The following XKR9 variants were observed in gnomAD, a reference collection of about 807,000 sequenced individuals.
XKR9 encodes the protein XK-related protein 9.
A neutral mutation model predicts 32.0 loss-of-function variants in XKR9; 32 were observed. The observed-to-expected ratio is 1.00, with a 90% CI of 0.76 to 1.34. XKR9 has a LOEUF of 1.34. Ranked by LOEUF, XKR9 falls within the 40% of genes most tolerant of loss-of-function variation. The probability of loss-of-function intolerance (pLI) is 0.00; values close to 1 mark genes in which losing one functional copy is unlikely to be tolerated. For missense variants in XKR9, 546 were observed against 429.7 expected (o/e 1.27, Z -2.39); for synonymous variants, 168 against 143.4 (o/e 1.17, Z -1.22).
At chr8:70,886,350 T>C in the XKR9 span, among the ~76,000 whole-genome samples, 1 of 152,230 alleles carries the variant, frequency 6.6e-6, no homozygotes, top group Admixed American at 6.5e-5. Flanking sequence ...GCAATAAACA[T>C]ACATGTGCAT....
intron 2 of XKR9, among the ~76,000 whole-genome samples, chr8:70,768,111 G>A (rs1448488303): frequency 6.6e-6 from 1 of 152,238 alleles, no homozygotes; most frequent in South Asian, 2.1e-4. Flanking sequence ...AGAGATTCTG[G>A]TATATTGTTT....
At chr8:70,721,142 T>G (rs1563447477) in intron 4 of XKR9, among the ~76,000 whole-genome samples, 1 of 152,322 alleles carries the variant, frequency 6.6e-6, no homozygotes, top group East Asian at 1.9e-4. Flanking sequence ...TGATCAGTGG[T>G]GATATCCCCT....
chr8:70,718,061 C>G (rs1040158284), intron 4 of XKR9, among the ~76,000 whole-genome samples: 13 of 152,226 alleles, frequency 8.5e-5, no homozygotes, highest in African/African-American at 3.1e-4. Flanking sequence ...GTTCATATCA[C>G]TATCAGCATT....
chr8:70,814,311 A>C, the XKR9 span, among the ~76,000 whole-genome samples: 7 of 151,976 alleles, frequency 4.6e-5, no homozygotes, highest in Non-Finnish European at 7.4e-5. Flanking sequence ...GGAAAGGGGG[A>C]GGGATAGCAT....
the XKR9 span, among the ~76,000 whole-genome samples, chr8:70,816,848 A>T: frequency 1.3e-5 from 2 of 152,230 alleles, no homozygotes; most frequent in Admixed American, 1.3e-4. Context: ...GATTCACCAC[A>T]TAAACAGAAT....
At chr8:70,759,136 T>C (rs1316330930) in intron 2 of XKR9, among the ~76,000 whole-genome samples, 3 of 152,260 alleles carry the variant, frequency 2.0e-5, no homozygotes, top group Admixed American at 2.0e-4. Context: ...AAAAAGTCTT[T>C]CCAGTTTTTC....
the XKR9 span, among the ~76,000 whole-genome samples, chr8:70,851,301 A>T: frequency 6.6e-6 from 1 of 152,228 alleles, no homozygotes; most frequent in African/African-American, 2.4e-5. Flanking sequence ...ACAAATGGAA[A>T]AATATTCCAT....
At chr8:70,980,473 A>G in the XKR9 span, among the ~76,000 whole-genome samples, 3 of 152,174 alleles carry the variant, frequency 2.0e-5, no homozygotes, top group African/African-American at 7.2e-5. Context: ...TTTGGTGTCC[A>G]TTTGCATGGA....
intron 3 of XKR9, among the ~76,000 whole-genome samples, chr8:70,694,243 G>C (rs909549022): frequency 6.6e-6 from 1 of 152,180 alleles, no homozygotes; most frequent in African/African-American, 2.4e-5. Context: ...GAACAGGATT[G>C]GCACCCACTT....
chr8:70,670,998 C>G (rs939797301), intron 1 of XKR9, among the ~76,000 whole-genome samples: 3 of 152,164 alleles, frequency 2.0e-5, no homozygotes, highest in Admixed American at 1.3e-4. Context: ...TCTGGGCACT[C>G]CCCTTCTTTT....
chr8:70,878,864 A>G, the XKR9 span, among the ~76,000 whole-genome samples: 1 of 152,176 alleles, frequency 6.6e-6, no homozygotes, highest in East Asian at 1.9e-4. Context: ...TCTTTTCAGC[A>G]CTGCACCTCA....
intron 4 of XKR9, among the ~76,000 whole-genome samples, chr8:70,721,184 TCTC>T: frequency 6.6e-6 from 1 of 152,186 alleles, no homozygotes; most frequent in East Asian, 1.9e-4. Context: ...ATTTGATTCT[TCTC>T]TCTTTTCTTC....
At chr8:70,880,823 A>C in the XKR9 span, among the ~76,000 whole-genome samples, 1 of 152,220 alleles carries the variant, frequency 6.6e-6, no homozygotes, top group Non-Finnish European at 1.5e-5. Flanking sequence ...AGACAATCCT[A>C]AGCAAAAAGA....
intron 2 of XKR9, among the ~76,000 whole-genome samples, chr8:70,778,667 C>T (rs1450716989): frequency 2.0e-5 from 3 of 152,046 alleles, no homozygotes; most frequent in Non-Finnish European, 4.4e-5. Flanking sequence ...CCTTCACATC[C>T]CTTGTAAGTT....
At chr8:70,992,216 T>C in the XKR9 span, among the ~76,000 whole-genome samples, 1 of 152,216 alleles carries the variant, frequency 6.6e-6, no homozygotes, top group Non-Finnish European at 1.5e-5. Context: ...CATACCTTCC[T>C]TGAACCATAC....
the XKR9 span, among the ~76,000 whole-genome samples, chr8:70,814,270 C>T: frequency 6.6e-6 from 1 of 151,708 alleles, no homozygotes; most frequent in Non-Finnish European, 1.5e-5. Flanking sequence ...GGAAGGGGAA[C>T]ATCACACTCT....
At chr8:70,766,581 C>A (rs148804423) in intron 2 of XKR9, among the ~76,000 whole-genome samples, 1 of 152,086 alleles carries the variant, frequency 6.6e-6, no homozygotes, top group Non-Finnish European at 1.5e-5. Flanking sequence ...ATTTGAATAC[C>A]CTTTATTTCT....
chr8:70,796,353 A>G, the XKR9 span, among the ~76,000 whole-genome samples: 1 of 151,732 alleles, frequency 6.6e-6, no homozygotes, highest in Non-Finnish European at 1.5e-5. Flanking sequence ...AAGTTATCTA[A>G]TTTGTTTCTT....
the XKR9 span, among the ~76,000 whole-genome samples, chr8:70,806,481 A>T: frequency 1.8e-4 from 27 of 152,356 alleles, no homozygotes; most frequent in East Asian, 4.1e-3. Context: ...GAGCTAAAAG[A>T]TCAAGTTCTA....
Sources: gnomAD v4.1 joint callset for allele counts (sites outside exome capture counted in the v4.1 genomes callset) on GRCh38, gnomAD v4.1.1 for gene constraint, MANE v1.5 for transcripts, NCBI Gene and HGNC (gene_info 2026-07-23, HGNC 2026-07-21) for gene names.